Variants in COL9A1 observed in about 807,000 individuals in gnomAD.
COL9A1 encodes collagen type IX alpha 1 chain.
A neutral mutation model predicts 142.6 loss-of-function variants in COL9A1; 104 were observed. The ratio of observed to expected loss-of-function variants is 0.73; its 90% CI spans 0.62 to 0.86. The LOEUF is 0.86. Ranked by LOEUF, COL9A1 falls within the 40% of genes least tolerant of loss-of-function variation. The pLI is 0.00. For missense variants in COL9A1, 1,210 were observed against 1,176.6 expected, an observed-to-expected ratio of 1.03 and a Z score of -0.42; for synonymous variants, 466 against 396.0, an observed-to-expected ratio of 1.18 and a Z score of -2.10.
intron 36 of COL9A1, among the ~76,000 whole-genome samples, chr6:70,229,575 A>G (rs1769425005): frequency 1.3e-5 from 2 of 152,158 alleles, no homozygotes; most frequent in African/African-American, 4.8e-5. Context: ...TGTTTTCTCA[A>G]ACCTTCATTT....
intron 36 of COL9A1, 70 bp from the exon 37 acceptor site, chr6:70,226,079 T>C (rs1247964384): frequency 7.3e-7 from 1 of 1,364,794 alleles, no homozygotes; most frequent in Non-Finnish European, 1.0e-6. Context: ...CTTTAAACTT[T>C]CAGCAAATCT....
chr6:70,297,702 G>A (rs1773894780), intron 4 of COL9A1, among the ~76,000 whole-genome samples: 1 of 152,116 alleles, frequency 6.6e-6, no homozygotes, highest in East Asian at 1.9e-4. Context: ...ATAAGGGTTT[G>A]AATGAAAGAT....
intron 33 of COL9A1, among the ~76,000 whole-genome samples, chr6:70,236,300 G>A (rs1769908436): frequency 6.6e-6 from 1 of 151,822 alleles, no homozygotes; most frequent in Non-Finnish European, 1.5e-5. Flanking sequence ...GCATTTAAAA[G>A]AATCATCTAA....
intron 11 of COL9A1, among the ~76,000 whole-genome samples, chr6:70,274,431 C>A (rs1312015424): frequency 6.6e-6 from 1 of 151,992 alleles, no homozygotes; most frequent in African/African-American, 2.4e-5. Context: ...TCTTTTTATT[C>A]AGCTCCCACT....
chr6:70,236,232 T>G (rs547267677), intron 33 of COL9A1, among the ~76,000 whole-genome samples: 113 of 152,190 alleles, frequency 7.4e-4, no homozygotes, highest in Admixed American at 2.0e-3. Context: ...ATGTGTTTCC[T>G]TAGCATAAAA....
chr6:70,223,561 A>T (rs1769024401), intron 37 of COL9A1, among the ~76,000 whole-genome samples: 1 of 152,242 alleles, frequency 6.6e-6, no homozygotes, highest in African/African-American at 2.4e-5. Context: ...CAAAAAGCTC[A>T]TGTCAGGAAC....
chr6:70,239,784 C>T (rs9455012), intron 32 of COL9A1, among the ~76,000 whole-genome samples: 11,566 of 152,164 alleles, frequency 0.076, 485 homozygotes, highest in African/African-American at 0.11. Flanking sequence ...TAGTTATAAA[C>T]TCAGCTCATG....
intron 13 of COL9A1, 27 bp from the exon 14 acceptor site, chr6:70,271,735 G>A (rs1772414519): frequency 6.3e-7 from 1 of 1,596,008 alleles, no homozygotes; most frequent in South Asian, 1.1e-5. Context: ...AAAGCAAATG[G>A]TCATTTATGA....
intron 36 of COL9A1, among the ~76,000 whole-genome samples, chr6:70,227,445 AAAAG>A (rs1769302980): frequency 6.6e-6 from 1 of 150,842 alleles, no homozygotes; most frequent in African/African-American, 2.4e-5. Flanking sequence ...AAAAAAAAAA[AAAAG>A]GATGCTATTT....
At chr6:70,270,878 A>T (rs903428840) in intron 14 of COL9A1, among the ~76,000 whole-genome samples, 1 of 152,202 alleles carries the variant, frequency 6.6e-6, no homozygotes. Context: ...TGAGTCAGAA[A>T]ATCAAAGAAA....
At chr6:70,289,397 A>G (rs1233503689) in intron 5 of COL9A1, among the ~76,000 whole-genome samples, 3 of 152,104 alleles carry the variant, frequency 2.0e-5, no homozygotes, top group African/African-American at 7.2e-5. Context: ...TTCAGTTTTT[A>G]TTCTAGCTAT....
intron 5 of COL9A1, among the ~76,000 whole-genome samples, chr6:70,293,066 A>G (rs3793075): frequency 0.18 from 26,982 of 152,146 alleles, 3,471 homozygotes; most frequent in East Asian, 0.46. Context: ...CCATTACTGA[A>G]ATCCCTGATA....
At chr6:70,260,600 C>G (rs969827452) in intron 20 of COL9A1, 57 bp downstream of exon 20, 1 of 1,526,684 alleles carries the variant, frequency 6.6e-7, no homozygotes, top group Non-Finnish European at 9.0e-7. Context: ...TTTAAACGGC[C>G]AAAATTTTAA....
At chr6:70,220,061 T>G (rs1349375806) in intron 37 of COL9A1, among the ~76,000 whole-genome samples, 1 of 152,164 alleles carries the variant, frequency 6.6e-6, no homozygotes, top group Non-Finnish European at 1.5e-5. Flanking sequence ...TACCCTTGAT[T>G]TATTTTATGA....
intron 1 of COL9A1, among the ~76,000 whole-genome samples, 167 bp from the exon 2 acceptor site, chr6:70,302,241 G>A (rs1249541290): frequency 5.7e-5 from 7 of 122,636 alleles, no homozygotes; most frequent in East Asian, 4.6e-4. Context: ...ACGGAGTCTC[G>A]CTCTGTCACC....
chr6:70,223,270 C>CA (rs551119800), intron 37 of COL9A1, among the ~76,000 whole-genome samples: 83 of 152,292 alleles, frequency 5.5e-4, no homozygotes, highest in South Asian at 1.0e-3. Context: ...ATAGTATGAA[C>CA]AACCAACATT....
At chr6:70,263,124 G>A in intron 19 of COL9A1, 120 bp downstream of exon 19, 1 of 740,806 alleles carries the variant, frequency 1.3e-6, no homozygotes, top group East Asian at 2.8e-5. Flanking sequence ...GTGGAAAATA[G>A]AGGACACCAA....
At chr6:70,235,101 A>G (rs1265728294) in intron 33 of COL9A1, among the ~76,000 whole-genome samples, 161 bp from the exon 34 acceptor site, 3 of 152,260 alleles carry the variant, frequency 2.0e-5, no homozygotes, top group Non-Finnish European at 4.4e-5. Flanking sequence ...AGGTGAAGAC[A>G]CATAATGCTA....
chr6:70,236,791 C>T (rs1216483621), intron 33 of COL9A1, among the ~76,000 whole-genome samples: 2 of 151,748 alleles, frequency 1.3e-5, no homozygotes, highest in Non-Finnish European at 2.9e-5. Context: ...GCAACATTGT[C>T]AGGTGCCTAG....
Sources: allele counts gnomAD v4.1 joint callset (sites outside exome capture counted in the v4.1 genomes callset), GRCh38; gene constraint gnomAD v4.1.1; transcripts MANE v1.5; gene names NCBI Gene and HGNC (gene_info 2026-07-23, HGNC 2026-07-21).